DENND1B: variants seen among roughly 807,000 people sequenced by gnomAD.
The protein encoded by DENND1B is DENN domain containing 1B.
Under a neutral mutation model 90.1 loss-of-function variants are expected in DENND1B, and 59 were observed. That is an observed-to-expected ratio of 0.65 (90% CI 0.53 to 0.81). The LOEUF (loss-of-function observed/expected upper bound fraction) is 0.81, where lower values mean the gene tolerates loss of function less well. Among genes scored for constraint, DENND1B ranks in the 40% least tolerant of loss-of-function variants. DENND1B has a pLI of 0.00. For missense variants in DENND1B, 862 were observed against 912.6 expected, an observed-to-expected ratio of 0.94 and a Z score of 0.71; for synonymous variants, 337 against 324.6, an observed-to-expected ratio of 1.04 and a Z score of -0.41.
intron 2 of DENND1B, among the ~76,000 whole-genome samples, chr1:197,771,083 G>T (rs1775443): frequency 0.85 from 129,029 of 151,210 alleles, 55,445 homozygotes; most frequent in African/African-American, 0.95. Flanking sequence ...GCATAATTTT[G>T]GTATTTTTAG....
chr1:197,574,052 CT>C (rs1056636235), intron 15 of DENND1B, among the ~76,000 whole-genome samples: 1 of 151,798 alleles, frequency 6.6e-6, no homozygotes, highest in African/African-American at 2.4e-5. Context: ...CAAGGATGCC[CT>C]CTCTCCTATT....
intron 16 of DENND1B, among the ~76,000 whole-genome samples, chr1:197,550,260 T>C (rs1314732820): frequency 1.3e-5 from 2 of 152,288 alleles, no homozygotes; most frequent in African/African-American, 4.8e-5. Context: ...AGTATTACTC[T>C]TGTTTACTGA....
intron 5 of DENND1B, among the ~76,000 whole-genome samples, chr1:197,666,177 A>T (rs1654921266): frequency 6.6e-6 from 1 of 152,220 alleles, no homozygotes; most frequent in Non-Finnish European, 1.5e-5. Context: ...AAGAAACAAC[A>T]GCAATGAACA....
intron 13 of DENND1B, chr1:197,605,349 T>G (rs912270647): frequency 1.3e-5 from 2 of 151,012 alleles, no homozygotes; most frequent in Non-Finnish European, 3.0e-5. Context: ...AGTAGTACTT[T>G]TCAATTTAAA....
intron 13 of DENND1B, among the ~76,000 whole-genome samples, chr1:197,599,860 A>G (rs1243738309): frequency 1.3e-5 from 2 of 151,872 alleles, no homozygotes; most frequent in Non-Finnish European, 2.9e-5. Context: ...GGCATCATCT[A>G]CAAGTATACA....
intron 20 of DENND1B, among the ~76,000 whole-genome samples, chr1:197,534,852 T>C (rs1023188326): frequency 6.6e-6 from 1 of 152,166 alleles, no homozygotes; most frequent in Non-Finnish European, 1.5e-5. Flanking sequence ...CCAATATTAT[T>C]ATACTTGGAG....
chr1:197,700,538 A>T (rs1400449505), intron 3 of DENND1B, among the ~76,000 whole-genome samples: 3 of 152,232 alleles, frequency 2.0e-5, no homozygotes, highest in African/African-American at 7.2e-5. Context: ...AATATCATTC[A>T]GGACACAGAC....
chr1:197,546,899 T>G lies in DENND1B; in HGVS notation c.1241-126A>C, dbSNP rs181998831. 8 of 709,008 alleles carry G rather than the reference T, an allele frequency of 1.1e-5. No individual in the cohort carries two copies. In the South Asian group the frequency reaches 1.2e-4, roughly 11 times the overall value. The allele number at this position is 709,008 out of a possible 1,614,324, so 43.9% of individuals were successfully genotyped here. On this transcript the variant is annotated intron_variant, in intron 16 of 22. Coordinates refer to ENST00000620048, the MANE Select transcript of DENND1B (RefSeq NM_001195215.2). Reference sequence around the variant, plus strand: ...AAATTTTATATGCAATGTTGAAAAGTAGTTCTAATAAAATCCAGCGATCAA... The same window carrying G: ...AAATTTTATATGCAATGTTGAAAAGGAGTTCTAATAAAATCCAGCGATCAA...
rs547025670 is a variant in DENND1B, at chr1:197,664,018, C to T, written c.297-5649G>A. Among the ~76,000 whole-genome samples, 1,513 of 151,898 alleles carry T rather than the reference C, an allele frequency of 1.0e-2. 85 individuals are homozygous for T. The highest frequency in any genetic ancestry group is 0.09 in the Admixed American group (1,368 of 15,222). On this transcript the variant is annotated intron_variant, in intron 5 of 22. Transcript: ENST00000620048. ...CTTTTGAAACACACACATACACACA[C>T]ACACACACACAGAGAGAGAGATAAA...
At chr1:197,516,765 A>G (rs1298823380) in intron 20 of DENND1B, among the ~76,000 whole-genome samples, 1 of 151,832 alleles carries the variant, frequency 6.6e-6, no homozygotes, top group African/African-American at 2.4e-5. Flanking sequence ...TAGGTTAACA[A>G]ATCACAGACA....
chr1:197,644,860 A>G (rs1276576205), intron 9 of DENND1B, among the ~76,000 whole-genome samples: 3 of 152,218 alleles, frequency 2.0e-5, no homozygotes, highest in East Asian at 1.9e-4. Flanking sequence ...AAAGTAAATA[A>G]TAAGTATATA....
intron 10 of DENND1B, among the ~76,000 whole-genome samples, chr1:197,618,882 AT>A (rs533454541): frequency 8.6e-5 from 13 of 151,342 alleles, no homozygotes; most frequent in African/African-American, 2.7e-4. Context: ...ATTTAAAAAA[AT>A]GAATGTACAC....
chr1:197,736,893 C>A (rs1662744550), intron 2 of DENND1B, among the ~76,000 whole-genome samples: 1 of 152,204 alleles, frequency 6.6e-6, no homozygotes, highest in Admixed American at 6.5e-5. Context: ...GCTGAGTACA[C>A]ACCCAAGCAT....
intron 10 of DENND1B, among the ~76,000 whole-genome samples, chr1:197,636,471 G>C (rs567518140): frequency 6.6e-6 from 1 of 152,208 alleles, no homozygotes; most frequent in South Asian, 2.1e-4. Flanking sequence ...ATATACTTTG[G>C]AATCATACAG....
chr1:197,713,978 T>TAA, intron 3 of DENND1B, among the ~76,000 whole-genome samples: 1 of 6,554 alleles, frequency 1.5e-4, no homozygotes, highest in Admixed American at 1.3e-3. Flanking sequence ...CCCATATATA[T>TAA]GTATAATTAT....
In DENND1B at chr1:197,512,885, A is replaced by G. The variant is rs2125594413; in HGVS notation, c.1584T>C (p.Ile528=). The G allele has an allele frequency of 6.2e-7, 1 of 1,610,554 alleles. No individual in the cohort carries two copies. Among genetic ancestry groups the G allele is most frequent in the East Asian group, 2.2e-5 (1 of 44,756 alleles). Residue 528 remains isoleucine (I), a synonymous_variant, in exon 21 of 23, where the codon ATT becomes ATC. Transcript: ENST00000620048. ...ALYDDEDDDD[I]ERASKLSSED... ...CCATTACTTACTTGCTTGCTCTTTC[A>G]ATGTCATCATCATCTTCATCATCAT...
At chr1:197,718,113 T>C (rs1183843074) in intron 2 of DENND1B, among the ~76,000 whole-genome samples, 2 of 152,052 alleles carry the variant, frequency 1.3e-5, no homozygotes, top group Admixed American at 6.6e-5. Context: ...TGTCTGAGGT[T>C]ACAGCTTTCT....
At chr1:197,660,926 C>A (rs1654343763) in intron 5 of DENND1B, among the ~76,000 whole-genome samples, 1 of 151,876 alleles carries the variant, frequency 6.6e-6, no homozygotes, top group Non-Finnish European at 1.5e-5. Flanking sequence ...AATCTAAGAC[C>A]ATGGAAGAAC....
At chr1:197,561,600 C>T (rs1228108218) in intron 15 of DENND1B, among the ~76,000 whole-genome samples, 1 of 151,716 alleles carries the variant, frequency 6.6e-6, no homozygotes, top group Non-Finnish European at 1.5e-5. Context: ...AGTATTCTCC[C>T]CTCCTCCTTT....
Sources: gnomAD v4.1 joint callset for allele counts (sites outside exome capture counted in the v4.1 genomes callset) on GRCh38, gnomAD v4.1.1 for gene constraint, MANE v1.5 for transcripts, NCBI Gene and HGNC (gene_info 2026-07-23, HGNC 2026-07-21) for gene names.